Variants in HHLA1 observed in about 807,000 individuals in gnomAD.
HHLA1 encodes HERV-H LTR-associating protein 1.
In HHLA1, 72 loss-of-function variants were observed where a neutral mutation model predicts 69.9. The observed-to-expected ratio is 1.03, with a 90% confidence interval of 0.85 to 1.25. The LOEUF is 1.25. HHLA1 is among the 50% of genes most tolerant of loss of function. HHLA1 has a pLI of 0.00. For missense variants in HHLA1, 685 were observed against 642.2 expected, an observed-to-expected ratio of 1.07 and a Z score of -0.72; for synonymous variants, 252 against 233.2, an observed-to-expected ratio of 1.08 and a Z score of -0.73.
intron 8 of HHLA1, among the ~76,000 whole-genome samples, chr8:132,088,203 G>T (rs78039288): frequency 0.055 from 8,319 of 152,188 alleles, 303 homozygotes; most frequent in Non-Finnish European, 0.083. Context: ...GACTCAGTTT[G>T]CCCCTTTATA....
At chr8:132,082,425 C>G (rs1447998965) in intron 10 of HHLA1, among the ~76,000 whole-genome samples, 2 of 152,132 alleles carry the variant, frequency 1.3e-5, no homozygotes, top group Non-Finnish European at 2.9e-5. Context: ...ACCACACTAA[C>G]CATGCCTAGG....
chr8:132,067,483 C>A (rs1460047593), intron 15 of HHLA1, among the ~76,000 whole-genome samples: 2 of 152,090 alleles, frequency 1.3e-5, no homozygotes, highest in Non-Finnish European at 2.9e-5. Flanking sequence ...CTTAGGGAGA[C>A]CTTTCAAAAC....
At position 132,079,882 on chromosome 8, in the gene HHLA1, C is replaced by G; in HGVS notation, c.761G>C (p.Trp254Ser). Residue 254 changes from tryptophan to serine, a missense_variant, in exon 11 of 17, where the codon TGG (tryptophan) becomes TCG (serine). By Grantham distance (177) the Trp-to-Ser change is radical (BLOSUM62 -3). Coordinates refer to ENST00000414222, the MANE Select transcript of HHLA1 (RefSeq NM_001145095.3). ...KTLPSTSPGH[W>S]TQSTPWASAL... is the part of the protein sequence containing the mutation. ...AGATGCCCAGGGTGTGCTCTGGGTC[C>G]AGTGTCCGGGGCTTGTACTTGGTAG... 1.3e-6 allele frequency: 2 copies of G among 1,552,120 alleles called. No individual in the cohort carries two copies. Among genetic ancestry groups the G allele is most frequent in the Non-Finnish European group, 1.7e-6 (2 of 1,147,076 alleles).
chr8:132,089,244 T>C lies in HHLA1; in HGVS notation c.532+272A>G, dbSNP rs142724031. Among the ~76,000 whole-genome samples the C allele has an allele frequency of 1.9e-4, 29 of 152,330 alleles. No homozygotes were observed. In the East Asian group the frequency reaches 5.2e-3, roughly 27 times the overall value. On this transcript the variant is annotated intron_variant, in intron 8 of 16. Coordinates refer to ENST00000414222, the MANE Select transcript of HHLA1 (RefSeq NM_001145095.3). ...AATGGGGGTATATCTACTCACCAGA[T>C]GTTTTCTTGAGTCTGCCTACGTTCC...
Position 132,077,990 on chromosome 8 carries a change from A to G in HHLA1, c.926-19T>C. 1.3e-6 allele frequency: 2 copies of G among 1,551,404 alleles called. No homozygotes were observed. Among genetic ancestry groups the G allele is most frequent in the Admixed American group, 2.0e-5 (1 of 51,004 alleles). ...CTGGTAGCTGCACATTCAAAGTGAC[A>G]GTAACAGGGTACAGACATGCTTGAC... On this transcript the variant is annotated intron_variant, in intron 11 of 16. Coordinates refer to ENST00000414222, the MANE Select transcript of HHLA1 (RefSeq NM_001145095.3).
At chr8:132,097,449 A>G (rs931972227) in intron 5 of HHLA1, among the ~76,000 whole-genome samples, 1 of 152,224 alleles carries the variant, frequency 6.6e-6, no homozygotes. Flanking sequence ...CAACGTCTGC[A>G]TCTAGAAAAT....
chr8:132,107,060 T>C (rs908239879), intron 1 of HHLA1, among the ~76,000 whole-genome samples: 4 of 152,224 alleles, frequency 2.6e-5, no homozygotes, highest in African/African-American at 9.6e-5. Flanking sequence ...GAATCTTAAT[T>C]TCTTTCTCAT....
chr8:132,084,289 G>C (rs1823820785), intron 10 of HHLA1, among the ~76,000 whole-genome samples: 1 of 152,094 alleles, frequency 6.6e-6, no homozygotes, highest in Non-Finnish European at 1.5e-5. Flanking sequence ...GCCTGGCGAG[G>C]AGCAGCCTGG....
chr8:132,095,422 T>C (rs1824006461), intron 7 of HHLA1, 97 bp downstream of exon 7: 2 of 743,878 alleles, frequency 2.7e-6, no homozygotes, highest in East Asian at 2.7e-5. Flanking sequence ...GATAGGACCA[T>C]ATTTTCCTGT....
chr8:132,064,802 C>G (rs1166054324), intron 16 of HHLA1, among the ~76,000 whole-genome samples: 2 of 152,088 alleles, frequency 1.3e-5, no homozygotes, highest in African/African-American at 2.4e-5. Context: ...AAGTGAGAAA[C>G]AGTGGAGGGC....
chr8:132,104,118 TA>T lies in HHLA1; in HGVS notation c.128del (p.Leu43TyrfsTer38). 2 of 1,550,668 alleles carry T rather than the reference TA, an allele frequency of 1.3e-6. No individual in the cohort carries two copies. The highest frequency in any genetic ancestry group is 1.2e-5 in the South Asian group (1 of 84,016). ...TTATCACCCACTTACCTGTTGTAGGTAAAAAGGTCATTCCCTTCTCTTTCTT... is the reference window on the plus strand; with the variant it reads ...TTATCACCCACTTACCTGTTGTAGGTAAAAGGTCATTCCCTTCTCTTTCTT... The part of the protein sequence containing the change: ...EAKKEKGMTF[L>X]PTTVSGLREE... On this transcript the variant is annotated frameshift_variant, in exon 3 of 17. Coordinates refer to ENST00000414222, the MANE Select transcript of HHLA1 (RefSeq NM_001145095.3). LOFTEE classifies it high-confidence loss of function.
intron 10 of HHLA1, among the ~76,000 whole-genome samples, chr8:132,082,799 C>T (rs1029335986): frequency 1.6e-4 from 24 of 152,232 alleles, no homozygotes; most frequent in Admixed American, 7.2e-4. Context: ...ACAGGGTGGA[C>T]AGGCAAAACA....
At chr8:132,076,432 A>AACCCCCC in intron 13 of HHLA1, 43 bp downstream of exon 13, 7 of 287,692 alleles carry the variant, frequency 2.4e-5, no homozygotes, top group Non-Finnish European at 4.4e-5. Context: ...CACCCCTCCC[A>AACCCCCC]TCCCCCACCC....
At chr8:132,076,663 C>G (rs981243048) in intron 12 of HHLA1, 120 bp from the exon 13 acceptor site, 2 of 541,654 alleles carry the variant, frequency 3.7e-6, no homozygotes, top group African/African-American at 4.0e-5. Context: ...AGGTACCAGG[C>G]AGGGCTTTAA....
chr8:132,093,246 GACT>G (rs1823972449), intron 7 of HHLA1, among the ~76,000 whole-genome samples: 1 of 152,132 alleles, frequency 6.6e-6, no homozygotes, highest in Admixed American at 6.5e-5. Context: ...TGTTAATAGT[GACT>G]ACCAGTGGAT....
chr8:132,082,380 C>T (rs1218904439), intron 10 of HHLA1, among the ~76,000 whole-genome samples: 10 of 152,172 alleles, frequency 6.6e-5, no homozygotes, highest in Non-Finnish European at 1.2e-4. Context: ...AGAAAGGCTA[C>T]AGGGTGTGGT....
At chr8:132,069,380 G>GTTT (rs1202375520) in intron 15 of HHLA1, among the ~76,000 whole-genome samples, 1 of 151,716 alleles carries the variant, frequency 6.6e-6, no homozygotes, top group Admixed American at 6.6e-5. Context: ...TTGTTTGTTT[G>GTTT]TTTTTTATCA....
intron 1 of HHLA1, among the ~76,000 whole-genome samples, chr8:132,107,340 G>T (rs1330540924): frequency 6.6e-6 from 1 of 151,788 alleles, no homozygotes; most frequent in Non-Finnish European, 1.5e-5. Flanking sequence ...CGCTCTTGTT[G>T]CCCAGGCTGG....
chr8:132,083,223 C>G (rs1433547275), intron 10 of HHLA1, among the ~76,000 whole-genome samples: 2 of 152,140 alleles, frequency 1.3e-5, no homozygotes, highest in South Asian at 2.1e-4. Context: ...AAGGGAAATG[C>G]ACAGGTGGGG....
Sources: gnomAD v4.1 joint callset for allele counts (sites outside exome capture counted in the v4.1 genomes callset) on GRCh38, gnomAD v4.1.1 for gene constraint, MANE v1.5 for transcripts, NCBI Gene and HGNC (gene_info 2026-07-23, HGNC 2026-07-21) for gene names.